The following AGBL1 variants were observed in gnomAD, a reference collection of about 807,000 sequenced individuals.
AGBL1 encodes the protein cytosolic carboxypeptidase 4.
AGBL1 carries 130 observed loss-of-function variants against 118.9 expected under a neutral mutation model. The ratio of observed to expected loss-of-function variants is 1.09; its 90% confidence interval spans 0.95 to 1.26. The LOEUF (loss-of-function observed/expected upper bound fraction) is 1.26. Among genes scored for constraint, AGBL1 ranks in the 50% most tolerant of loss-of-function variants. AGBL1 has a pLI of 0.00. For synonymous variants in AGBL1, 555 were observed against 478.9 expected, an observed-to-expected ratio of 1.16 and a Z score of -2.08; for missense variants, 1,584 against 1,298.1, an observed-to-expected ratio of 1.22 and a Z score of -3.38.
At chr15:86,160,864 A>G (rs1393038467) in intron 5 of AGBL1, among the ~76,000 whole-genome samples, 2 of 152,172 alleles carry the variant, frequency 1.3e-5, no homozygotes, top group South Asian at 2.1e-4. Flanking sequence ...AGCCATGGGT[A>G]TCAAGGCACT....
intron 24 of AGBL1, among the ~76,000 whole-genome samples, chr15:87,015,210 C>T (rs893640939): frequency 2.6e-5 from 4 of 152,118 alleles, no homozygotes; most frequent in Non-Finnish European, 4.4e-5. Flanking sequence ...AGAATTACAC[C>T]ACCAGCTTCT....
At chr15:87,001,658 T>C (rs989803664) in intron 24 of AGBL1, among the ~76,000 whole-genome samples, 1 of 152,108 alleles carries the variant, frequency 6.6e-6, no homozygotes, top group African/African-American at 2.4e-5. Context: ...CCTGACTTTT[T>C]AATGATCGCC....
In AGBL1 at chr15:86,227,874, A is replaced by T. The variant is rs2078392142; in HGVS notation, c.526+2923A>T. Among the ~76,000 whole-genome samples, 3 of 152,226 alleles carry T rather than the reference A, an allele frequency of 2.0e-5. No individual in the cohort carries two copies. The South Asian group carries it at 6.2e-4, about 32-fold the overall frequency. On this transcript the variant is annotated intron_variant, in intron 6 of 22. Transcript: ENST00000614907. ...GGATCTTGAGGGTCTGAGAATGAGG[A>T]GGGCAAATAGATTTAATAATGAGTA...
chr15:86,375,110 C>T (rs1304259369), intron 17 of AGBL1, among the ~76,000 whole-genome samples: 1 of 152,188 alleles, frequency 6.6e-6, no homozygotes, highest in Non-Finnish European at 1.5e-5. Flanking sequence ...CCCAAGGCAG[C>T]CTATCTGACC....
At chr15:86,753,653 C>T (rs1023408124) in intron 22 of AGBL1, among the ~76,000 whole-genome samples, 1 of 152,092 alleles carries the variant, frequency 6.6e-6, no homozygotes, top group Non-Finnish European at 1.5e-5. Context: ...CCACCTTGGC[C>T]TCCCAAAGTG....
chr15:86,407,637 T>C (rs2081549236), intron 18 of AGBL1, among the ~76,000 whole-genome samples: 2 of 152,184 alleles, frequency 1.3e-5, no homozygotes, highest in African/African-American at 4.8e-5. Flanking sequence ...TTTGTTGAAC[T>C]TGTGCGCATA....
Position 86,211,642 on chromosome 15 carries a change from G to A in AGBL1, c.489-13272G>A, listed in dbSNP as rs373899884. 1.5e-3 allele frequency among the ~76,000 whole-genome samples: 222 copies of A among 152,304 alleles called. 3 individuals are homozygous for A. The South Asian group carries it at 0.045, about 31-fold the overall frequency. On this transcript the variant is annotated intron_variant, in intron 5 of 22. Coordinates refer to ENST00000614907, the MANE Select transcript of AGBL1 (RefSeq NM_001386094.1). Reference sequence around the variant, plus strand: ...AGGATCTGTGGGTATGGGACTTGCCGAGCCAGGCATGGGATATAATCTCCT... The same window carrying A: ...AGGATCTGTGGGTATGGGACTTGCCAAGCCAGGCATGGGATATAATCTCCT...
chr15:86,967,268 C>A (rs1418698253), intron 23 of AGBL1, among the ~76,000 whole-genome samples: 2 of 152,050 alleles, frequency 1.3e-5, no homozygotes, highest in African/African-American at 4.8e-5. Flanking sequence ...TCCTCCCATT[C>A]TGTAGGTTGC....
At chr15:86,081,286 C>T (rs1416612781) in intron 1 of AGBL1, among the ~76,000 whole-genome samples, 2 of 152,054 alleles carry the variant, frequency 1.3e-5, no homozygotes, top group Non-Finnish European at 2.9e-5. Context: ...CTCAGGTAAT[C>T]CACCTCGGCC....
At chr15:86,394,992 A>G (rs1480470288) in intron 17 of AGBL1, among the ~76,000 whole-genome samples, 1 of 152,168 alleles carries the variant, frequency 6.6e-6, no homozygotes. Flanking sequence ...GAGAAAGGCT[A>G]CTGGGCAGGT....
chr15:86,965,752 GAACAGAAAACCA>G (rs1441621420), intron 23 of AGBL1, among the ~76,000 whole-genome samples: 2 of 152,064 alleles, frequency 1.3e-5, no homozygotes, highest in African/African-American at 4.8e-5. Flanking sequence ...ACTAACATAA[GAACAGAAAACCA>G]AACACTGCAT....
intron 5 of AGBL1, among the ~76,000 whole-genome samples, chr15:86,193,739 T>A (rs1157023462): frequency 1.3e-5 from 2 of 152,158 alleles, no homozygotes; most frequent in Admixed American, 1.3e-4. Flanking sequence ...TCTCAAGGTG[T>A]CCCCTGGAGA....
chr15:86,196,879 GCACACA>G (rs59632011), intron 5 of AGBL1, among the ~76,000 whole-genome samples: 6,055 of 116,922 alleles, frequency 0.052, 169 homozygotes, highest in South Asian at 0.061. Flanking sequence ...GCGCGCGCGC[GCACACA>G]CACACACACA....
chr15:86,824,252 T>C (rs920082479), intron 22 of AGBL1, among the ~76,000 whole-genome samples: 2 of 152,020 alleles, frequency 1.3e-5, no homozygotes, highest in African/African-American at 4.8e-5. Context: ...TTGTAGAATC[T>C]AAGATCAATA....
At chr15:86,636,013 T>C (rs1041760838) in intron 21 of AGBL1, among the ~76,000 whole-genome samples, 2 of 152,096 alleles carry the variant, frequency 1.3e-5, no homozygotes, top group African/African-American at 2.4e-5. Flanking sequence ...CTATGAACCA[T>C]ATAAGTGGGT....
At chr15:86,779,731 G>A (rs1330369472) in intron 22 of AGBL1, among the ~76,000 whole-genome samples, 3 of 152,034 alleles carry the variant, frequency 2.0e-5, no homozygotes, top group African/African-American at 7.2e-5. Context: ...GAAATAGTGG[G>A]ATTGCATTGT....
chr15:86,716,098 C>T lies in AGBL1; in HGVS notation c.3158+41662C>T, dbSNP rs114241992. Among the ~76,000 whole-genome samples, 782 of 151,152 alleles carry T rather than the reference C, an allele frequency of 5.2e-3. 7 individuals are homozygous for T. Among genetic ancestry groups the T allele is most frequent in the African/African-American group, 0.018 (741 of 41,292 alleles). The stretch of plus-strand genomic sequence containing the variant: ...AAAAAAAAAAGAAATCAGTTATTTT[C>T]GCTATTGCATTTTAGTTTGCTAGTC... On this transcript the variant is annotated intron_variant, in intron 22 of 22. Transcript: ENST00000614907.
At chr15:86,684,124 T>A (rs931149230) in intron 22 of AGBL1, among the ~76,000 whole-genome samples, 2 of 152,066 alleles carry the variant, frequency 1.3e-5, no homozygotes, top group African/African-American at 4.8e-5. Context: ...GGGAGGCTAA[T>A]GAACAGGAGA....
chr15:86,958,077 C>T (rs897797291), intron 23 of AGBL1, among the ~76,000 whole-genome samples: 7 of 151,798 alleles, frequency 4.6e-5, no homozygotes, highest in Admixed American at 4.6e-4. Flanking sequence ...GTGTGTCATA[C>T]AACTGTAGTC....
Sources: gnomAD v4.1 joint callset for allele counts (sites outside exome capture counted in the v4.1 genomes callset) on GRCh38, gnomAD v4.1.1 for gene constraint, MANE v1.5 for transcripts, NCBI Gene and HGNC (gene_info 2026-07-23, HGNC 2026-07-21) for gene names.